CTNNBL1: variants seen among roughly 807,000 people sequenced by gnomAD.
CTNNBL1 encodes beta-catenin-like protein 1.
CTNNBL1 carries 31 observed loss-of-function variants against 72.7 expected under a neutral mutation model. The ratio of observed to expected loss-of-function variants is 0.43; its 90% confidence interval spans 0.32 to 0.58. CTNNBL1 has a LOEUF of 0.58. Ranked by LOEUF, CTNNBL1 falls within the 20% of genes least tolerant of loss-of-function variation. CTNNBL1 has a pLI of 0.08. For missense variants in CTNNBL1, 534 were observed against 725.1 expected (o/e 0.74, Z 3.03); for synonymous variants, 240 against 267.3 (o/e 0.90, Z 1.00).
At chr20:37,806,317 C>A (rs1032081377) in intron 11 of CTNNBL1, among the ~76,000 whole-genome samples, 1 of 152,228 alleles carries the variant, frequency 6.6e-6, no homozygotes, top group Non-Finnish European at 1.5e-5. Flanking sequence ...ACCCCACACT[C>A]TTCCCTTTCT....
chr20:37,828,303 A>T (rs2072178181), intron 11 of CTNNBL1, among the ~76,000 whole-genome samples: 1 of 152,228 alleles, frequency 6.6e-6, no homozygotes, highest in Non-Finnish European at 1.5e-5. Flanking sequence ...ATCTCCGCAC[A>T]TCCTTACAAG....
rs150527636 is a variant in CTNNBL1, at chr20:37,850,778, A to G, written c.1392+8359A>G. ...CTAGCATTTTCCAAATGGTGAGGCA[A>G]TTCCCACCCATGACTGGAGACCCGA... On this transcript the variant is annotated intron_variant, in intron 13 of 15. Transcript: ENST00000361383. Among the ~76,000 whole-genome samples, 5 of 152,248 alleles carry G rather than the reference A, an allele frequency of 3.3e-5. No individual in the cohort carries two copies. The South Asian group carries it at 8.3e-4, about 25-fold the overall frequency.
At chr20:37,786,211 A>G (rs2073672198) in intron 10 of CTNNBL1, among the ~76,000 whole-genome samples, 1 of 152,132 alleles carries the variant, frequency 6.6e-6, no homozygotes, top group Non-Finnish European at 1.5e-5. Context: ...GTCATTCCTG[A>G]AGCCAGCACA....
intron 11 of CTNNBL1, among the ~76,000 whole-genome samples, chr20:37,814,658 A>G (rs1328802524): frequency 6.6e-6 from 1 of 152,216 alleles, no homozygotes. Flanking sequence ...TCCCTCCTCC[A>G]GCAATTCTGA....
chr20:37,743,977 A>C (rs1055400733), intron 3 of CTNNBL1, among the ~76,000 whole-genome samples: 3 of 152,100 alleles, frequency 2.0e-5, no homozygotes, highest in African/African-American at 7.2e-5. Context: ...TTTATGTCAA[A>C]AGGAAAAAAA....
chr20:37,846,396 G>A (rs984697091), intron 13 of CTNNBL1, among the ~76,000 whole-genome samples: 1 of 152,090 alleles, frequency 6.6e-6, no homozygotes, highest in African/African-American at 2.4e-5. Context: ...TTCTCCGACT[G>A]TGGGCAAACA....
At position 37,790,285 on chromosome 20, in the gene CTNNBL1, A is replaced by T. The variant is rs238309; in HGVS notation, c.1031+10950A>T. Reference sequence around the variant, plus strand: ...TACTTTGCTTTTGTTCCTAATGAACATCGGAAGGTCCAAACAATATGGCAT... The same window carrying T: ...TACTTTGCTTTTGTTCCTAATGAACTTCGGAAGGTCCAAACAATATGGCAT... On this transcript the variant is annotated intron_variant, in intron 10 of 15. Coordinates refer to ENST00000361383, the MANE Select transcript of CTNNBL1 (RefSeq NM_030877.5). 2.9e-4 allele frequency among the ~76,000 whole-genome samples: 44 copies of T among 152,330 alleles called. 1 individual carries two copies. Among genetic ancestry groups the T allele is most frequent in the African/African-American group, 9.6e-4 (40 of 41,582 alleles).
intron 1 of CTNNBL1, among the ~76,000 whole-genome samples, chr20:37,721,930 G>A (rs892512910): frequency 6.6e-6 from 1 of 152,162 alleles, no homozygotes; most frequent in Non-Finnish European, 1.5e-5. Flanking sequence ...TCACCAGTTT[G>A]CTCTGTATTC....
rs188035357 is a variant in CTNNBL1, at chr20:37,836,908, T to A, written c.1214-3194T>A. Among the ~76,000 whole-genome samples, 637 of 152,300 alleles carry A rather than the reference T, an allele frequency of 4.2e-3. 3 individuals carry two copies. The highest frequency in any genetic ancestry group is 0.014 in the African/African-American group (601 of 41,552). ...GATTTTTTTTTTCTTCCTCTGTGGT[T>A]GTCAGATTGTCATATATATAATACC... is the stretch of plus-strand genomic sequence containing the variant. On this transcript the variant is annotated intron_variant, in intron 11 of 15. Transcript: ENST00000361383.
chr20:37,697,846 A>G (rs977215468), intron 1 of CTNNBL1, among the ~76,000 whole-genome samples: 3 of 152,234 alleles, frequency 2.0e-5, no homozygotes, highest in African/African-American at 4.8e-5. Context: ...TAGAGAATAA[A>G]AAACGTGTCC....
rs200874158 is a variant in CTNNBL1, at chr20:37,803,011, G to A, written c.1176G>A (p.Lys392=). The A allele has an allele frequency of 6.2e-7, 1 of 1,614,058 alleles. No homozygotes were observed. Among genetic ancestry groups the A allele is most frequent in the Non-Finnish European group, 8.5e-7 (1 of 1,179,994 alleles). Residue 392 remains lysine, a synonymous_variant, in exon 11 of 16, where the codon AAG becomes AAA. Coordinates refer to ENST00000361383, the MANE Select transcript of CTNNBL1 (RefSeq NM_030877.5). ...CCCTCTTTATGAAATCTCCCAGGAA[G>A]ATCAAGAAAGTGGGAACCACTGAGA... ...IFPLFMKSPR[K]IKKVGTTEKE...
intron 5 of CTNNBL1, among the ~76,000 whole-genome samples, chr20:37,763,549 C>T (rs189049998): frequency 6.6e-6 from 1 of 152,268 alleles, no homozygotes; most frequent in East Asian, 1.9e-4. Flanking sequence ...AAGCCTCACC[C>T]AGACAGAGTA....
At chr20:37,721,810 T>C (rs916891079) in intron 1 of CTNNBL1, among the ~76,000 whole-genome samples, 8 of 152,248 alleles carry the variant, frequency 5.3e-5, no homozygotes, top group Admixed American at 2.6e-4. Flanking sequence ...CAGTGATCAT[T>C]CTTTAAATAA....
At chr20:37,791,265 T>G (rs1364820893) in intron 10 of CTNNBL1, among the ~76,000 whole-genome samples, 2 of 152,152 alleles carry the variant, frequency 1.3e-5, no homozygotes, top group Non-Finnish European at 2.9e-5. Context: ...AGGTAAATAC[T>G]TAGTTAAATT....
At chr20:37,870,553 C>T (rs1169442146) in intron 15 of CTNNBL1, among the ~76,000 whole-genome samples, 2 of 152,194 alleles carry the variant, frequency 1.3e-5, no homozygotes, top group African/African-American at 4.8e-5. Flanking sequence ...ATTGGAGCCA[C>T]CCTCAGAAAA....
At chr20:37,804,847 CA>C (rs2071939760) in intron 11 of CTNNBL1, among the ~76,000 whole-genome samples, 1 of 152,204 alleles carries the variant, frequency 6.6e-6, no homozygotes, top group Non-Finnish European at 1.5e-5. Context: ...GGTAACAGTC[CA>C]TTTGCTTTAG....
rs2071966928 is a variant in CTNNBL1 at position 37,807,118 on chromosome 20, G to A, written c.1213+4070G>A. Among the ~76,000 whole-genome samples, 4 of 152,146 alleles carry A rather than the reference G, an allele frequency of 2.6e-5. No individual in the cohort carries two copies. In the South Asian group the frequency reaches 8.3e-4, roughly 32 times the overall value. ...CAAAGTCGCAGTGCAGCCTGAGGTG[G>A]TACAGATGGATCTGCTGCTTATCAG... On this transcript the variant is annotated intron_variant, in intron 11 of 15. Coordinates refer to ENST00000361383, the MANE Select transcript of CTNNBL1 (RefSeq NM_030877.5).
chr20:37,861,445 C>T (rs1476661659), intron 15 of CTNNBL1, among the ~76,000 whole-genome samples: 1 of 152,190 alleles, frequency 6.6e-6, no homozygotes, highest in African/African-American at 2.4e-5. Flanking sequence ...TGGGAATTTC[C>T]AGTACTGACG....
At chr20:37,832,618 TG>T (rs1482548335) in intron 11 of CTNNBL1, among the ~76,000 whole-genome samples, 1 of 152,204 alleles carries the variant, frequency 6.6e-6, no homozygotes, top group African/African-American at 2.4e-5. Context: ...ATTCACTTGT[TG>T]GCATGTCTGG....
Sources: allele counts gnomAD v4.1 joint callset (sites outside exome capture counted in the v4.1 genomes callset), GRCh38; gene constraint gnomAD v4.1.1; transcripts MANE v1.5; gene names NCBI Gene and HGNC (gene_info 2026-07-23, HGNC 2026-07-21).